Variants in ROBO2 observed in about 807,000 individuals in gnomAD.
The protein encoded by ROBO2 is roundabout homolog 2.
A neutral mutation model predicts 160.8 loss-of-function variants in ROBO2; 53 were observed. The ratio of observed to expected loss-of-function variants is 0.33; its 90% confidence interval spans 0.26 to 0.41. ROBO2 has a LOEUF of 0.41. Among genes scored for constraint, ROBO2 ranks in the 10% least tolerant of loss-of-function variants. The probability of loss-of-function intolerance (pLI) is 1.00; values close to 1 mark genes in which losing one functional copy is unlikely to be tolerated. For synonymous variants in ROBO2, 664 were observed against 611.7 expected (o/e 1.09, Z -1.26); for missense variants, 1,577 against 1,722.4 (o/e 0.92, Z 1.49).
At chr3:76,833,844 G>T (rs1280496368) in intron 2 of ROBO2, among the ~76,000 whole-genome samples, 6 of 152,116 alleles carry the variant, frequency 3.9e-5, no homozygotes, top group African/African-American at 1.4e-4. Context: ...CAGTTAAAAT[G>T]AATTGAAATG....
chr3:75,961,652 T>C (rs1319122592), intron 2 of ROBO2, among the ~76,000 whole-genome samples: 2 of 151,602 alleles, frequency 1.3e-5, no homozygotes, highest in East Asian at 3.9e-4. Flanking sequence ...AAGAAACATT[T>C]TGCACATCTG....
intron 2 of ROBO2, among the ~76,000 whole-genome samples, chr3:76,164,024 T>A (rs1310308943): frequency 6.6e-6 from 1 of 152,126 alleles, no homozygotes; most frequent in African/African-American, 2.4e-5. Flanking sequence ...AAAATTGGAG[T>A]CAATCCCCTC....
chr3:77,517,728 G>A (rs1279468551), intron 5 of ROBO2, among the ~76,000 whole-genome samples: 1 of 151,324 alleles, frequency 6.6e-6, no homozygotes, highest in Non-Finnish European at 1.5e-5. Flanking sequence ...GATGTAAATG[G>A]CACAGCATTC....
intron 2 of ROBO2, among the ~76,000 whole-genome samples, chr3:76,508,546 A>C (rs1450779502): frequency 6.6e-6 from 1 of 152,164 alleles, no homozygotes; most frequent in African/African-American, 2.4e-5. Context: ...TTTAAGAAAC[A>C]TTAAGTAGGT....
intron 2 of ROBO2, among the ~76,000 whole-genome samples, chr3:76,185,700 T>C (rs937164535): frequency 6.6e-6 from 1 of 152,086 alleles, no homozygotes; most frequent in African/African-American, 2.4e-5. Context: ...TGCACAATTT[T>C]AAAAATTGCC....
At chr3:76,494,506 C>G (rs574917090) in intron 2 of ROBO2, among the ~76,000 whole-genome samples, 2 of 152,248 alleles carry the variant, frequency 1.3e-5, no homozygotes, top group South Asian at 4.1e-4. Flanking sequence ...TTAACAAGGT[C>G]TGTTTGTACA....
At chr3:76,222,986 C>G (rs1262059583) in intron 2 of ROBO2, among the ~76,000 whole-genome samples, 2 of 151,968 alleles carry the variant, frequency 1.3e-5, no homozygotes, top group African/African-American at 2.4e-5. Context: ...AGTTCCTTAC[C>G]TCAGGTTATC....
At chr3:76,252,164 A>G (rs906411700) in intron 2 of ROBO2, among the ~76,000 whole-genome samples, 3 of 152,060 alleles carry the variant, frequency 2.0e-5, no homozygotes, top group South Asian at 2.1e-4. Flanking sequence ...GAAAAAATAC[A>G]TGTGTTAAAG....
intron 2 of ROBO2, among the ~76,000 whole-genome samples, chr3:77,314,585 C>T (rs2063811825): frequency 6.6e-6 from 1 of 152,166 alleles, no homozygotes; most frequent in Admixed American, 6.5e-5. Context: ...GACTCCAAGA[C>T]TTACAGTTTC....
chr3:77,617,176 G>T (rs920768312), intron 21 of ROBO2, among the ~76,000 whole-genome samples: 7 of 152,108 alleles, frequency 4.6e-5, no homozygotes, highest in African/African-American at 7.2e-5. Flanking sequence ...AAATCTACAA[G>T]CACTAAATTC....
At chr3:77,185,778 C>A (rs543921360) in intron 2 of ROBO2, among the ~76,000 whole-genome samples, 3 of 150,042 alleles carry the variant, frequency 2.0e-5, no homozygotes, top group Non-Finnish European at 4.4e-5. Flanking sequence ...CATCAATCAA[C>A]GAGTGAATAA....
chr3:76,389,598 A>G (rs1368840938), intron 2 of ROBO2, among the ~76,000 whole-genome samples: 2 of 152,182 alleles, frequency 1.3e-5, no homozygotes, highest in Non-Finnish European at 2.9e-5. Context: ...TTAAATTCAT[A>G]GTGTTACTGA....
chr3:76,039,898 A>G (rs531997887), intron 2 of ROBO2, among the ~76,000 whole-genome samples: 7 of 152,152 alleles, frequency 4.6e-5, no homozygotes, highest in African/African-American at 1.7e-4. Context: ...TCCACTTCGG[A>G]GAATAAATGA....
At chr3:77,015,970 T>C (rs2062215779) in intron 2 of ROBO2, among the ~76,000 whole-genome samples, 1 of 152,000 alleles carries the variant, frequency 6.6e-6, no homozygotes, top group Non-Finnish European at 1.5e-5. Context: ...ATGTTATTTT[T>C]TTTATTTTTA....
intron 1 of ROBO2, among the ~76,000 whole-genome samples, chr3:77,077,965 C>G (rs2068188423): frequency 6.6e-6 from 1 of 152,166 alleles, no homozygotes; most frequent in Non-Finnish European, 1.5e-5. Flanking sequence ...GCACTCAAGT[C>G]TGCCCCCCAG....
intron 2 of ROBO2, among the ~76,000 whole-genome samples, chr3:77,325,886 G>A (rs890817114): frequency 1.3e-5 from 2 of 152,144 alleles, no homozygotes; most frequent in South Asian, 2.1e-4. Flanking sequence ...AAGCTGGGAC[G>A]CAAATGCAAA....
intron 2 of ROBO2, among the ~76,000 whole-genome samples, chr3:76,479,809 AGAC>A (rs1297336437): frequency 6.6e-6 from 1 of 152,304 alleles, no homozygotes; most frequent in African/African-American, 2.4e-5. Flanking sequence ...CTTTAGGAAC[AGAC>A]AGTGTCCAAC....
At chr3:76,157,980 T>A (rs139657155) in intron 2 of ROBO2, among the ~76,000 whole-genome samples, 1 of 152,264 alleles carries the variant, frequency 6.6e-6, no homozygotes, top group African/African-American at 2.4e-5. Flanking sequence ...AGAAAATGCC[T>A]TTAATTTGTA....
intron 2 of ROBO2, among the ~76,000 whole-genome samples, chr3:77,016,081 A>G (rs949801029): frequency 6.6e-6 from 1 of 151,928 alleles, no homozygotes; most frequent in African/African-American, 2.4e-5. Context: ...GGTTCACGCC[A>G]TTCTCCTGCC....
Sources: allele counts gnomAD v4.1 joint callset (sites outside exome capture counted in the v4.1 genomes callset), GRCh38; gene constraint gnomAD v4.1.1; transcripts MANE v1.5; gene names NCBI Gene and HGNC (gene_info 2026-07-23, HGNC 2026-07-21).